JADE3: variants seen among roughly 807,000 people sequenced by gnomAD.
JADE3 encodes jade family PHD finger 3.
A neutral mutation model predicts 50.1 loss-of-function variants in JADE3; 2 were observed. That is an observed-to-expected ratio of 0.04 (90% confidence interval 0.02 to 0.13). JADE3 has a LOEUF of 0.13. Ranked by LOEUF, JADE3 falls within the 10% of genes least tolerant of loss-of-function variation. The probability of loss-of-function intolerance (pLI) is 1.00; values close to 1 mark genes in which losing one functional copy is unlikely to be tolerated. For missense variants in JADE3, 475 were observed against 634.4 expected (o/e 0.75, Z 2.70); for synonymous variants, 218 against 232.9 (o/e 0.94, Z 0.58).
chrX:46,981,223 A>C (rs782168979), intron 1 of JADE3, among the ~76,000 whole-genome samples: 27 of 112,093 alleles, frequency 2.4e-4, no homozygotes, highest in African/African-American at 8.1e-4. Context: ...GTTTGTGATA[A>C]TTTGTTACTG....
rs782585052 is a variant in JADE3, at chrX:46,946,811, C to T, written c.-12+34092C>T. Among the ~76,000 whole-genome samples, 8 of 111,769 alleles carry T rather than the reference C, an allele frequency of 7.2e-5. No homozygotes were observed. The East Asian group carries it at 1.4e-3, about 20-fold the overall frequency. On this transcript the variant is annotated intron_variant, in intron 1 of 10. Coordinates refer to ENST00000614628, the MANE Select transcript of JADE3 (RefSeq NM_014735.5). Reference sequence around the variant, plus strand: ...AGTAAACTACAAATCAGGGCTTTTTCTCCCTCTTGAAGAGCCTGATGATAA... The same window carrying T: ...AGTAAACTACAAATCAGGGCTTTTTTTCCCTCTTGAAGAGCCTGATGATAA...
At chrX:46,923,787 T>G (rs1047220179) in intron 1 of JADE3, among the ~76,000 whole-genome samples, 4 of 111,106 alleles carry the variant, frequency 3.6e-5, no homozygotes, top group Non-Finnish European at 7.6e-5. Flanking sequence ...GTTTTTACTT[T>G]GTGCTGCTTC....
intron 2 of JADE3, 78 bp downstream of exon 2, chrX:46,985,018 C>A: frequency 1.2e-6 from 1 of 802,468 alleles, no homozygotes; most frequent in Non-Finnish European, 1.9e-6. Flanking sequence ...TGAGGATAAA[C>A]CATTTCATGC....
At chrX:47,027,778 AAG>A (rs1327924706) in intron 5 of JADE3, 112 bp from the exon 6 acceptor site, 1 of 576,050 alleles carries the variant, frequency 1.7e-6, no homozygotes, top group African/African-American at 2.3e-5. Flanking sequence ...TAGAGCAGGA[AAG>A]AGATGTTTTT....
rs1488205929 is a variant in JADE3 at position 46,948,343 on chromosome X, CCTT to C, written c.-12+35627_-12+35629del. Among the ~76,000 whole-genome samples the C allele has an allele frequency of 3.6e-5, 4 of 112,300 alleles. No homozygotes were observed. In the East Asian group the frequency reaches 1.1e-3, roughly 31 times the overall value. ...GAATTATGTGGATAAATAAACTAAT[CCTT>C]CTATTTAAAGGATGGTTTCCCTTCT... On this transcript the variant is annotated intron_variant, in intron 1 of 10. Coordinates refer to ENST00000614628, the MANE Select transcript of JADE3 (RefSeq NM_014735.5).
chrX:47,025,388 C>T (rs782157888), intron 5 of JADE3, among the ~76,000 whole-genome samples: 1 of 111,886 alleles, frequency 8.9e-6, no homozygotes, highest in East Asian at 2.8e-4. Context: ...TGACAGATTG[C>T]TGTGACAGTA....
intron 4 of JADE3, among the ~76,000 whole-genome samples, chrX:47,024,333 T>A (rs1353947166): frequency 3.6e-5 from 4 of 111,193 alleles, no homozygotes; most frequent in East Asian, 5.7e-4. Context: ...CAAAAAAAAA[T>A]TTTTCAAACG....
chrX:46,979,283 C>G (rs1927690277), intron 1 of JADE3, among the ~76,000 whole-genome samples: 1 of 112,107 alleles, frequency 8.9e-6, no homozygotes, highest in African/African-American at 3.2e-5. Flanking sequence ...AACTCTTTTA[C>G]TTAAAGAACA....
At chrX:47,021,565 A>G (rs1556364467) in intron 4 of JADE3, among the ~76,000 whole-genome samples, 1 of 111,871 alleles carries the variant, frequency 8.9e-6, no homozygotes, top group East Asian at 2.8e-4. Context: ...AGCATAAGAG[A>G]TAATCTATTT....
At chrX:46,986,029 C>T (rs1344776121) in intron 3 of JADE3, among the ~76,000 whole-genome samples, 3 of 110,932 alleles carry the variant, frequency 2.7e-5, no homozygotes, top group East Asian at 2.8e-4. Flanking sequence ...CTGGCACCTC[C>T]TCCCATTCTC....
Position 47,024,852 on chromosome X carries a change from A to G in JADE3, c.413A>G (p.Tyr138Cys), listed in dbSNP as rs1556365205. 8.3e-7 allele frequency: 1 copy of G among 1,201,079 alleles called. No individual in the cohort carries two copies. The highest frequency in any genetic ancestry group is 3.0e-5 in the East Asian group (1 of 33,752). ...GAGTTGGCAGCATCTGTTTGCCGCT[A>G]TGACCTAGATGACATGGACATCTTC... ...IMELAASVCR[Y>C]DLDDMDIFWL... Residue 138 changes from tyrosine to cysteine, a missense_variant, in exon 5 of 11, where the codon TAT becomes TGT. Tyr to Cys is a radical substitution (Grantham distance 194, BLOSUM62 -2). Around this residue, in one of 6 missense-constraint regions of JADE3, gnomAD observed 54 missense variants for 51.8 expected, o/e 1.04. Transcript: ENST00000614628.
At chrX:46,970,640 G>T (rs1470859399) in intron 1 of JADE3, among the ~76,000 whole-genome samples, 1 of 111,874 alleles carries the variant, frequency 8.9e-6, no homozygotes, top group Non-Finnish European at 1.9e-5. Flanking sequence ...TGTTAGCACA[G>T]TATTAAAAGT....
At chrX:46,965,053 G>C (rs1556348693) in intron 1 of JADE3, among the ~76,000 whole-genome samples, 1 of 112,137 alleles carries the variant, frequency 8.9e-6, no homozygotes, top group African/African-American at 3.2e-5. Flanking sequence ...AGACATATCT[G>C]TGGTCAAGAA....
At chrX:46,975,238 ATAGTT>A (rs1927588259) in intron 1 of JADE3, among the ~76,000 whole-genome samples, 1 of 112,485 alleles carries the variant, frequency 8.9e-6, no homozygotes, top group Admixed American at 9.4e-5. Context: ...GGCCACTTTT[ATAGTT>A]TCAATGTTTC....
rs147834691 is a variant in JADE3 at position 46,915,199 on chromosome X, G to A, written c.-12+2480G>A. The stretch of plus-strand genomic sequence containing the variant: ...CTGGTAAAGACATGGCATTAGGGAG[G>A]GCTCTTACAAGCCTTGATCAGAGTT... On this transcript the variant is annotated intron_variant, in intron 1 of 10. Transcript: ENST00000614628. 2.6e-3 allele frequency among the ~76,000 whole-genome samples: 285 copies of A among 111,602 alleles called. 1 individual carries two copies. Among genetic ancestry groups the A allele is most frequent in the African/African-American group, 9.0e-3 (277 of 30,696 alleles).
chrX:46,921,809 T>G (rs781914533), intron 1 of JADE3, among the ~76,000 whole-genome samples: 5 of 111,246 alleles, frequency 4.5e-5, no homozygotes, highest in African/African-American at 1.6e-4. Context: ...TTCATTTTCC[T>G]TCACTTTTGA....
intron 8 of JADE3, among the ~76,000 whole-genome samples, chrX:47,045,283 T>C (rs1929346783): frequency 9.0e-6 from 1 of 111,593 alleles, no homozygotes; most frequent in African/African-American, 3.2e-5. Context: ...CTATACTTAA[T>C]AGAAAAAAAC....
intron 4 of JADE3, among the ~76,000 whole-genome samples, chrX:47,000,142 G>C (rs782783473): frequency 9.9e-5 from 11 of 111,111 alleles, no homozygotes; most frequent in Non-Finnish European, 2.1e-4. Flanking sequence ...CCTATGCTCT[G>C]TTAAGGAAAG....
intron 1 of JADE3, among the ~76,000 whole-genome samples, chrX:46,935,826 C>CTTTTTTTTTTTTTTTTTTT: frequency 1.6e-5 from 1 of 62,749 alleles, no homozygotes; most frequent in Non-Finnish European, 2.7e-5. Context: ...AAGTCTTTCA[C>CTTTTTTTTTTTTTTTTTTT]TTTTTTTTTT....
Sources: gnomAD v4.1 joint callset for allele counts (sites outside exome capture counted in the v4.1 genomes callset) on GRCh38, gnomAD v4.1.1 for gene constraint, gnomAD v4.1.1 regional missense constraint, MANE v1.5 for transcripts, NCBI Gene and HGNC (gene_info 2026-07-23, HGNC 2026-07-21) for gene names.